PTK2B: variants seen among roughly 807,000 people sequenced by gnomAD.
PTK2B encodes protein-tyrosine kinase 2-beta.
A neutral mutation model predicts 142.9 loss-of-function variants in PTK2B; 71 were observed. That is an observed-to-expected ratio of 0.50 (90% CI 0.41 to 0.61). The LOEUF is 0.61. PTK2B is among the 20% of genes least tolerant of loss of function. The pLI, the probability that PTK2B is intolerant of heterozygous loss-of-function variation, is 0.00. For synonymous variants in PTK2B, 519 were observed against 503.4 expected (o/e 1.03, Z -0.42); for missense variants, 1,105 against 1,320.4 (o/e 0.84, Z 2.53).
At position 27,387,273 on chromosome 8, in the gene PTK2B, C is replaced by T. The variant is rs75701267; in HGVS notation, c.-37-10275C>T. On this transcript the variant is annotated intron_variant, in intron 1 of 30. Transcript: ENST00000346049. ...ACCCCAGGCAAGCTGCTCAGTCAGT[C>T]GCTTTTCCTCATCCTCAAAATGGGA... 8.7e-3 allele frequency among the ~76,000 whole-genome samples: 1,317 copies of T among 152,148 alleles called. 24 individuals carry two copies. The highest frequency in any genetic ancestry group is 0.031 in the African/African-American group (1,278 of 41,452).
chr8:27,411,376 C>T (rs1219936646), intron 2 of PTK2B, among the ~76,000 whole-genome samples: 1 of 152,146 alleles, frequency 6.6e-6, no homozygotes. Flanking sequence ...CCAATCTGGC[C>T]ACCCCCCTGA....
intron 1 of PTK2B, among the ~76,000 whole-genome samples, chr8:27,362,754 A>C (rs1369770841): frequency 6.6e-6 from 1 of 152,222 alleles, no homozygotes; most frequent in African/African-American, 2.4e-5. Flanking sequence ...AGATGCAGGC[A>C]AAGAGCCGTT....
intron 24 of PTK2B, among the ~76,000 whole-genome samples, chr8:27,449,997 A>G (rs966990365): frequency 1.3e-5 from 2 of 152,234 alleles, no homozygotes; most frequent in Non-Finnish European, 2.9e-5. Context: ...AACTCAAGCT[A>G]TGATTGCATT....
intron 1 of PTK2B, among the ~76,000 whole-genome samples, chr8:27,370,374 G>C (rs1248689518): frequency 6.6e-6 from 1 of 152,178 alleles, no homozygotes; most frequent in Non-Finnish European, 1.5e-5. Flanking sequence ...GAAGAGACAT[G>C]TATATGTGGC....
chr8:27,408,392 C>T (rs987469102), intron 2 of PTK2B, among the ~76,000 whole-genome samples: 1 of 152,256 alleles, frequency 6.6e-6, no homozygotes. Context: ...ACAGACAGGC[C>T]TGTCTGGGTT....
chr8:27,454,147 C>A lies in PTK2B; in HGVS notation c.2596-7C>A, dbSNP rs185558305. 2.3e-3 allele frequency: 3,632 copies of A among 1,613,992 alleles called. 6 individuals carry two copies. The highest frequency in any genetic ancestry group is 2.8e-3 in the Non-Finnish European group (3,252 of 1,179,972). ...CAACTCACTGGCCACCTGCGTCTTC[C>A]CCTCAGTCCATCCAGCCCACAGCTA... On this transcript the variant is annotated splice_polypyrimidine_tract_variant and splice_region_variant and intron_variant, in intron 28 of 30. Coordinates refer to ENST00000346049, the MANE Select transcript of PTK2B (RefSeq NM_173176.3).
At chr8:27,379,392 CT>C (rs1433168385) in intron 1 of PTK2B, among the ~76,000 whole-genome samples, 1 of 152,056 alleles carries the variant, frequency 6.6e-6, no homozygotes, top group Non-Finnish European at 1.5e-5. Flanking sequence ...ATGCCGGGGT[CT>C]TTTTAAAAAT....
intron 1 of PTK2B, among the ~76,000 whole-genome samples, chr8:27,368,072 TG>T (rs1806124966): frequency 6.6e-6 from 1 of 152,242 alleles, no homozygotes; most frequent in Admixed American, 6.5e-5. Flanking sequence ...GATGGGCCTC[TG>T]TGGGCCCAAA....
Position 27,454,159 on chromosome 8 carries a change from C to G in PTK2B, c.2601C>G (p.Ile867Met). Reference sequence around the variant, plus strand: ...CACCTGCGTCTTCCCCTCAGTCCATCCAGCCCACAGCTAACCTGGACCGGA... The same window carrying G: ...CACCTGCGTCTTCCCCTCAGTCCATGCAGCCCACAGCTAACCTGGACCGGA... The part of the protein sequence containing the change: ...QKPPRLGAQS[I>M]QPTANLDRTD... Residue 867 changes from isoleucine (I) to methionine (M), a missense_variant, in exon 29 of 31, where the codon ATC (isoleucine) becomes ATG (methionine). By Grantham distance (10) the Ile-to-Met change is conservative (BLOSUM62 1). Transcript: ENST00000346049. 1 of 1,614,132 alleles carries G rather than the reference C, an allele frequency of 6.2e-7. No homozygotes were observed.
At chr8:27,328,509 T>C (rs55829009) in intron 1 of PTK2B, among the ~76,000 whole-genome samples, 40,694 of 152,134 alleles carry the variant, frequency 0.27, 5,714 homozygotes, top group Middle Eastern at 0.46. Context: ...ATGGTCCTTC[T>C]TTCCAGTGGC....
At chr8:27,321,901 C>A (rs111412522), upstream of PTK2B, among the ~76,000 whole-genome samples, 1 of 152,098 alleles carries the variant, frequency 6.6e-6, no homozygotes, top group Non-Finnish European at 1.5e-5. Flanking sequence ...TGGCCCACTT[C>A]GTAAACATAG....
At chr8:27,315,588 G>C (rs769924058) in intron 3 of PTK2B, among the ~76,000 whole-genome samples, 2 of 151,768 alleles carry the variant, frequency 1.3e-5, no homozygotes, top group East Asian at 3.9e-4. Flanking sequence ...TGCTGTCTAT[G>C]TGTTTCATTC....
intron 24 of PTK2B, among the ~76,000 whole-genome samples, chr8:27,448,139 G>A (rs972203152): frequency 6.6e-6 from 1 of 152,226 alleles, no homozygotes; most frequent in Non-Finnish European, 1.5e-5. Context: ...GGAGGAAACT[G>A]AGATTCAGGG....
intron 3 of PTK2B, among the ~76,000 whole-genome samples, chr8:27,319,277 AT>A (rs34154097): frequency 4.2e-5 from 6 of 144,370 alleles, no homozygotes; most frequent in Admixed American, 1.4e-4. Context: ...CCCTCTACAG[AT>A]TTTTTTTTGG....
At chr8:27,318,203 A>G (rs1359216254) in intron 3 of PTK2B, among the ~76,000 whole-genome samples, 1 of 152,148 alleles carries the variant, frequency 6.6e-6, no homozygotes, top group African/African-American at 2.4e-5. Context: ...TCCTGTCTAG[A>G]AGTTCTTCTT....
chr8:27,430,400 G>C lies in PTK2B; in HGVS notation c.651G>C (p.Gln217His), dbSNP rs768959189. The change falls in exon 7 of 31, where the codon CAG (glutamine) becomes CAC (histidine). Residue 217 changes from glutamine (Q) to histidine (H), a missense_variant. Transcript: ENST00000346049. ...EVGLDLFFPKQMQENLKPKQF... is the reference protein window; with the variant it reads ...EVGLDLFFPKHMQENLKPKQF... Reference sequence around the variant, plus strand: ...GGCTGGACTTGTTTTTCCCAAAGCAGATGCAGGAGAACTTAAAGGTGAGGA... The same window carrying C: ...GGCTGGACTTGTTTTTCCCAAAGCACATGCAGGAGAACTTAAAGGTGAGGA... 6.2e-7 allele frequency: 1 copy of C among 1,614,192 alleles called. No individual in the cohort carries two copies. The highest frequency in any genetic ancestry group is 8.5e-7 in the Non-Finnish European group (1 of 1,180,038).
chr8:27,404,006 T>G (rs1298215773), intron 2 of PTK2B, among the ~76,000 whole-genome samples: 2 of 148,370 alleles, frequency 1.3e-5, no homozygotes, highest in Non-Finnish European at 3.0e-5. Context: ...CTTTCTCTTC[T>G]TCTCAAGCCA....
chr8:27,312,344 GTC>G (rs1308125363), exon 2 of PTK2B: 1 of 152,136 alleles, frequency 6.6e-6, no homozygotes, highest in African/African-American at 2.4e-5. Context: ...CAGAATTCTT[GTC>G]TCTCCAAAGA....
intron 1 of PTK2B, among the ~76,000 whole-genome samples, chr8:27,377,351 C>T (rs898030594): frequency 3.3e-5 from 5 of 152,134 alleles, no homozygotes; most frequent in Non-Finnish European, 5.9e-5. Context: ...ATGTTCACAA[C>T]AGTTCTGGGA....
Sources: gnomAD v4.1 joint callset for allele counts (sites outside exome capture counted in the v4.1 genomes callset) on GRCh38, gnomAD v4.1.1 for gene constraint, MANE v1.5 for transcripts, NCBI Gene and HGNC (gene_info 2026-07-23, HGNC 2026-07-21) for gene names.